The following ADGRV1 variants were observed in gnomAD, a reference collection of about 807,000 sequenced individuals.
The protein encoded by ADGRV1 is adhesion G protein-coupled receptor V1.
In ADGRV1, 359 loss-of-function variants were observed where a neutral mutation model predicts 596.2. The ratio of observed to expected loss-of-function variants is 0.60; its 90% CI spans 0.55 to 0.66. ADGRV1 has a LOEUF of 0.66. Ranked by LOEUF, ADGRV1 falls within the 30% of genes least tolerant of loss-of-function variation. The pLI is 0.00. For synonymous variants in ADGRV1, 2,681 were observed against 2,679.2 expected (o/e 1.00, Z -0.02); for missense variants, 7,274 against 7,575.6 (o/e 0.96, Z 1.48).
At position 90,728,730 on chromosome 5, in the gene ADGRV1, T is replaced by C. The variant is rs1752130837; in HGVS notation, c.10223T>C (p.Leu3408Pro). 4 of 1,613,834 alleles carry C rather than the reference T, an allele frequency of 2.5e-6. No individual in the cohort carries two copies. Among genetic ancestry groups the C allele is most frequent in the Middle Eastern group, 1.6e-4 (1 of 6,080 alleles). Residue 3408 changes from leucine to proline, a missense_variant, in exon 49 of 90, where the codon CTG becomes CCG. Physicochemically the swap from Leu to Pro is moderately conservative, Grantham distance 98. This residue lies in a region of ADGRV1 where 3,643 missense variants were observed against 3,809.2 expected (regional missense o/e 0.96). Coordinates refer to ENST00000405460, the MANE Select transcript of ADGRV1 (RefSeq NM_032119.4). ...LHQKLPVRGV[L>P]TVALFNKGGS... is the part of the protein sequence containing the mutation. ...CAAAAACTCCCTGTCCGAGGTGTGC[T>C]GACCGTGGCCTTGTTCAACAAGGGA...
chr5:90,581,690 A>T (rs1758080473), intron 1 of ADGRV1, among the ~76,000 whole-genome samples: 1 of 152,196 alleles, frequency 6.6e-6, no homozygotes, highest in Non-Finnish European at 1.5e-5. Flanking sequence ...CAGTTAGGCC[A>T]CACGGGGCTC....
chr5:90,873,511 C>G (rs931948510), intron 83 of ADGRV1, among the ~76,000 whole-genome samples: 1 of 152,098 alleles, frequency 6.6e-6, no homozygotes, highest in Admixed American at 6.5e-5. Flanking sequence ...CCCAACCCCC[C>G]GTTTATTCTC....
intron 83 of ADGRV1, among the ~76,000 whole-genome samples, chr5:90,964,308 C>A (rs1778267876): frequency 6.6e-6 from 1 of 151,914 alleles, no homozygotes; most frequent in African/African-American, 2.4e-5. Flanking sequence ...CTAGTTTTTT[C>A]CTCTGTCCTT....
chr5:90,623,370 G>A (rs75900541), intron 5 of ADGRV1, among the ~76,000 whole-genome samples: 2,886 of 151,956 alleles, frequency 0.019, 54 homozygotes, highest in Non-Finnish European at 0.027. Context: ...GATTACTTAG[G>A]TTTACATAAA....
chr5:90,974,983 A>T (rs1026046770), intron 84 of ADGRV1, among the ~76,000 whole-genome samples: 16 of 151,558 alleles, frequency 1.1e-4, no homozygotes, highest in Non-Finnish European at 2.1e-4. Context: ...GAATCTACAA[A>T]GCACTCAAAC....
At chr5:90,781,210 C>A (rs1176274290) in intron 64 of ADGRV1, 2 of 536,208 alleles carry the variant, frequency 3.7e-6, no homozygotes, top group African/African-American at 1.9e-5. Flanking sequence ...GTTTTGGCTT[C>A]GTACAGGCAC....
At chr5:91,090,907 G>A (rs188388052) in intron 86 of ADGRV1, among the ~76,000 whole-genome samples, 6 of 152,192 alleles carry the variant, frequency 3.9e-5, no homozygotes, top group Admixed American at 3.9e-4. Flanking sequence ...GGATGGGATA[G>A]GATAGGATAG....
intron 83 of ADGRV1, among the ~76,000 whole-genome samples, chr5:90,933,206 T>G (rs1048966408): frequency 2.0e-5 from 3 of 152,198 alleles, no homozygotes; most frequent in Non-Finnish European, 4.4e-5. Context: ...CAAAATTTAC[T>G]CATGGTGTTT....
At chr5:90,834,741 A>C (rs372359249) in intron 77 of ADGRV1, among the ~76,000 whole-genome samples, 1 of 150,816 alleles carries the variant, frequency 6.6e-6, no homozygotes, top group African/African-American at 2.4e-5. Context: ...TTCTCCTTCT[A>C]TCTCTCTCTT....
chr5:90,704,395 T>C lies in ADGRV1; in HGVS notation c.8293T>C (p.Leu2765=). Residue 2765 remains leucine, a synonymous_variant, in exon 36 of 90, where the codon TTG becomes CTG. Transcript: ENST00000405460. The stretch of plus-strand genomic sequence containing the variant: ...TTCTTTCTGTATGACATAGGGGTCG[T>C]TGAATACAACATTGTTTGTGCATTT... ...SGQLFFPEGS[L]NTTLFVHLLD... 3 of 1,566,656 alleles carry C rather than the reference T, an allele frequency of 1.9e-6. No homozygotes were observed. Among genetic ancestry groups the C allele is most frequent in the Middle Eastern group, 1.7e-4 (1 of 5,984 alleles).
intron 78 of ADGRV1, among the ~76,000 whole-genome samples, chr5:90,845,418 T>A (rs191716479): frequency 7.9e-5 from 12 of 152,192 alleles, no homozygotes; most frequent in Admixed American, 6.5e-4. Context: ...GAAACTTTGT[T>A]TTTTTTTAAT....
At chr5:90,628,256 A>AAAATAAAATAAAATAAAAT (rs1765055531) in intron 7 of ADGRV1, among the ~76,000 whole-genome samples, 4 of 150,676 alleles carry the variant, frequency 2.7e-5, no homozygotes, top group African/African-American at 9.7e-5. Flanking sequence ...AAAATAAAAT[A>AAAATAAAATAAAATAAAAT]AAAAGATTAG....
Position 91,080,588 on chromosome 5 carries a change from C to CAAA in ADGRV1, c.18310+8005_18310+8007dup, listed in dbSNP as rs10696264. On this transcript the variant is annotated intron_variant, in intron 86 of 89. Transcript: ENST00000405460. The stretch of plus-strand genomic sequence containing the variant: ...TTTACACCCAGCTCCGCACACCCTG[C>CAAA]AAAAAAAAAAAAAAAAAAAAAAACT... Among the ~76,000 whole-genome samples, 198 of 84,274 alleles carry CAAA rather than the reference C, an allele frequency of 2.3e-3. 3 individuals are homozygous for CAAA. Among genetic ancestry groups the CAAA allele is most frequent in the African/African-American group, 6.7e-3 (137 of 20,364 alleles). The allele number at this position is 84,274 out of a possible 152,430, so 55.3% of individuals were successfully genotyped here.
chr5:90,675,977 A>G (rs1773206069), intron 24 of ADGRV1, 103 bp from the exon 25 acceptor site: 1 of 826,116 alleles, frequency 1.2e-6, no homozygotes, highest in Admixed American at 3.4e-5. Flanking sequence ...ATAATTTGGG[A>G]TATAACAAAC....
intron 1 of ADGRV1, 134 bp from the exon 2 acceptor site, chr5:90,614,701 A>C: frequency 1.4e-6 from 1 of 730,642 alleles, no homozygotes. Context: ...TTGATGGCTT[A>C]ATAGTAGATG....
intron 77 of ADGRV1, among the ~76,000 whole-genome samples, chr5:90,837,192 A>G (rs186894210): frequency 3.3e-5 from 5 of 152,254 alleles, no homozygotes; most frequent in Admixed American, 2.6e-4. Flanking sequence ...CTATTATTCT[A>G]GTTATCTTTC....
intron 64 of ADGRV1, 100 bp from the exon 65 acceptor site, chr5:90,781,330 G>A (rs1167098100): frequency 1.2e-6 from 1 of 855,512 alleles, no homozygotes; most frequent in Admixed American, 2.0e-5. Context: ...ATAGAACTAA[G>A]TTGTAGGAGC....
At chr5:90,828,544 C>T (rs571720391) in intron 76 of ADGRV1, among the ~76,000 whole-genome samples, 1 of 152,160 alleles carries the variant, frequency 6.6e-6, no homozygotes, top group East Asian at 1.9e-4. Flanking sequence ...TATCATTATA[C>T]AGCTTGATAT....
At chr5:91,013,854 T>TTG (rs1782928016) in intron 85 of ADGRV1, among the ~76,000 whole-genome samples, 1 of 151,922 alleles carries the variant, frequency 6.6e-6, no homozygotes, top group Non-Finnish European at 1.5e-5. Context: ...TACATTAAGT[T>TTG]TTTAATTCAT....
Sources: allele counts gnomAD v4.1 joint callset (sites outside exome capture counted in the v4.1 genomes callset), GRCh38; gene constraint gnomAD v4.1.1; regional missense constraint gnomAD v4.1.1; transcripts MANE v1.5; gene names NCBI Gene and HGNC (gene_info 2026-07-23, HGNC 2026-07-21).